The following SPATA31F3 variants were observed in gnomAD, a reference collection of about 807,000 sequenced individuals.
SPATA31F3 encodes SPATA31 subfamily F member 3.
the SPATA31F3 span, among the ~76,000 whole-genome samples, chr9:34,894,113 C>T: frequency 7.5e-4 from 114 of 152,256 alleles, no homozygotes; most frequent in African/African-American, 2.5e-3. Context: ...GACTTCTTTA[C>T]GCAAAATCCA....
At chr9:34,895,061 C>T in the SPATA31F3 span, 1 of 398,390 alleles carries the variant, frequency 2.5e-6, no homozygotes, top group Admixed American at 4.4e-5. Context: ...TATCTCCAGA[C>T]TTTTGTTGGA....
the SPATA31F3 span, among the ~76,000 whole-genome samples, chr9:34,891,127 C>T: frequency 1.3e-5 from 2 of 152,200 alleles, no homozygotes; most frequent in Non-Finnish European, 2.9e-5. Flanking sequence ...GGGACAGGGT[C>T]TGGGCAGCTC....
chr9:34,890,076 A>G, the SPATA31F3 span, among the ~76,000 whole-genome samples: 2 of 152,322 alleles, frequency 1.3e-5, no homozygotes, highest in East Asian at 1.9e-4. Context: ...CCGCAGATCC[A>G]GACAGATCCT....
At chr9:34,889,591 G>T in the SPATA31F3 span, 2 of 398,616 alleles carry the variant, frequency 5.0e-6, no homozygotes, top group African/African-American at 4.1e-5. Context: ...TTAATCCAGT[G>T]CAGAAACAGC....
the SPATA31F3 span, among the ~76,000 whole-genome samples, chr9:34,890,102 A>G: frequency 6.6e-5 from 10 of 152,192 alleles, no homozygotes; most frequent in Non-Finnish European, 1.2e-4. Context: ...GTCTCTGCTC[A>G]AGGCAACCAT....
chr9:34,895,206 A>G, the SPATA31F3 span: 33 of 397,064 alleles, frequency 8.3e-5, no homozygotes, highest in African/African-American at 6.2e-4. Context: ...ATACTCTTCT[A>G]TCTTTCCTTT....
At chr9:34,891,795 T>C in the SPATA31F3 span, among the ~76,000 whole-genome samples, 3 of 152,210 alleles carry the variant, frequency 2.0e-5, no homozygotes, top group African/African-American at 7.2e-5. Flanking sequence ...ATTGTATGAT[T>C]TCCTGGATCT....
At chr9:34,889,527 T>C in the SPATA31F3 span, 2 of 398,504 alleles carry the variant, frequency 5.0e-6, no homozygotes, top group African/African-American at 4.1e-5. Flanking sequence ...GGTCACTGTC[T>C]CAGCCTTAGA....
chr9:34,890,371 G>C, the SPATA31F3 span, among the ~76,000 whole-genome samples: 1 of 152,178 alleles, frequency 6.6e-6, no homozygotes, highest in African/African-American at 2.4e-5. Flanking sequence ...CTTTTGCAAA[G>C]ACCTGGTCTA....
the SPATA31F3 span, chr9:34,895,036 T>G: frequency 5.3e-5 from 21 of 398,414 alleles, no homozygotes; most frequent in African/African-American, 4.1e-4. Context: ...ACTGGGACTT[T>G]ACCTCTTGAT....
the SPATA31F3 span, among the ~76,000 whole-genome samples, chr9:34,891,319 C>T: frequency 2.6e-5 from 4 of 152,298 alleles, no homozygotes; most frequent in East Asian, 1.9e-4. Flanking sequence ...ACTGCAGAAC[C>T]AGTGATTTGT....
the SPATA31F3 span, chr9:34,895,128 T>C: frequency 2.5e-6 from 1 of 398,550 alleles, no homozygotes. Context: ...TACACCATTT[T>C]TTCCCATATC....
At chr9:34,890,453 G>A in the SPATA31F3 span, among the ~76,000 whole-genome samples, 1 of 152,204 alleles carries the variant, frequency 6.6e-6, no homozygotes, top group Non-Finnish European at 1.5e-5. Context: ...CTGGGCCTCT[G>A]TCATGTCTCC....
chr9:34,895,136 A>G, the SPATA31F3 span: 3 of 398,354 alleles, frequency 7.5e-6, no homozygotes, highest in East Asian at 1.1e-4. Flanking sequence ...TTTTTCCCAT[A>G]TCTAAAATGA....
the SPATA31F3 span, chr9:34,889,732 A>G: frequency 2.5e-6 from 1 of 397,484 alleles, no homozygotes; most frequent in Non-Finnish European, 4.4e-6. Context: ...TGACCCTGCA[A>G]ATTTTGCCCT....
At chr9:34,894,278 C>T in the SPATA31F3 span, among the ~76,000 whole-genome samples, 1 of 151,976 alleles carries the variant, frequency 6.6e-6, no homozygotes, top group Non-Finnish European at 1.5e-5. Flanking sequence ...ATGTCTGGCC[C>T]AGCCCCCCTG....
At chr9:34,892,794 G>T in the SPATA31F3 span, 1 of 610,720 alleles carries the variant, frequency 1.6e-6, no homozygotes, top group South Asian at 2.1e-5. Flanking sequence ...CTCTGTCCTC[G>T]CTGAAAGTGA....
At chr9:34,890,563 T>C in the SPATA31F3 span, among the ~76,000 whole-genome samples, 9 of 152,226 alleles carry the variant, frequency 5.9e-5, no homozygotes, top group South Asian at 2.1e-4. Context: ...AACGGCAAGC[T>C]GTTCTTTCAG....
the SPATA31F3 span, chr9:34,895,668 C>T: frequency 7.4e-6 from 3 of 403,644 alleles, no homozygotes; most frequent in Non-Finnish European, 1.3e-5. Flanking sequence ...CAGATGGATC[C>T]ATAGGTGTAT....
Sources: allele counts gnomAD v4.1 joint callset (sites outside exome capture counted in the v4.1 genomes callset), GRCh38; gene constraint gnomAD v4.1.1; transcripts MANE v1.5; gene names NCBI Gene and HGNC (gene_info 2026-07-23, HGNC 2026-07-21).